SLCO2A1: variants seen among roughly 807,000 people sequenced by gnomAD.
The protein encoded by SLCO2A1 is matrin F/G 1.
A neutral mutation model predicts 71.7 loss-of-function variants in SLCO2A1; 60 were observed. The ratio of observed to expected loss-of-function variants is 0.84; its 90% CI spans 0.68 to 1.04. The LOEUF is 1.04. Ranked by LOEUF, SLCO2A1 falls within the 50% of genes least tolerant of loss-of-function variation. The probability of loss-of-function intolerance (pLI) is 0.00; values close to 1 mark genes in which losing one functional copy is unlikely to be tolerated. For synonymous variants in SLCO2A1, 308 were observed against 326.7 expected (o/e 0.94, Z 0.62); for missense variants, 745 against 813.4 (o/e 0.92, Z 1.02).
chr3:133,953,771 GAAGT>G lies in SLCO2A1; in HGVS notation c.626-14_626-11del, dbSNP rs755988459. 4.4e-6 allele frequency: 7 copies of G among 1,606,966 alleles called. No individual in the cohort carries two copies. The East Asian group carries it at 1.1e-4, about 26-fold the overall frequency. ...ATGGCAAATAAGATGGCTGGAAAAG[GAAGT>G]AAGGGGAAGGAGACTGAGATAAATG... On this transcript the variant is annotated splice_polypyrimidine_tract_variant and intron_variant, in intron 4 of 13. Transcript: ENST00000310926.
intron 1 of SLCO2A1, among the ~76,000 whole-genome samples, chr3:134,001,111 G>A (rs995963454): frequency 5.3e-5 from 8 of 151,588 alleles, no homozygotes; most frequent in Admixed American, 3.3e-4. Flanking sequence ...TCCACACAGA[G>A]TCTTTGGTCT....
intron 12 of SLCO2A1, 134 bp downstream of exon 12, chr3:133,938,295 C>A: frequency 1.2e-6 from 1 of 801,216 alleles, no homozygotes; most frequent in Non-Finnish European, 2.2e-6. Flanking sequence ...TTGGCATCTG[C>A]TGTTGATTAT....
At chr3:134,019,805 T>G (rs1377558969) in intron 1 of SLCO2A1, among the ~76,000 whole-genome samples, 1 of 152,098 alleles carries the variant, frequency 6.6e-6, no homozygotes, top group Non-Finnish European at 1.5e-5. Flanking sequence ...AGTGGATTGG[T>G]TAGTCTGTCC....
rs1054228314 is a variant in SLCO2A1 at position 134,029,668 on chromosome 3, C to T, written c.96+39G>A. The T allele has an allele frequency of 2.7e-6, 4 of 1,508,524 alleles. No homozygotes were observed. In the African/African-American group the frequency reaches 4.2e-5, roughly 16 times the overall value. The allele number at this position is 1,508,524 out of a possible 1,614,324, so 93.4% of individuals were successfully genotyped here. A position where few individuals can be genotyped will look rare whatever the true frequency, so the allele number is the denominator to read the frequency against. ...GGTGCCCAGCCGAAGGTGCGCCAGG[C>T]GCGGCTCCGGCCCGGAAGACCCCGC... On this transcript the variant is annotated intron_variant, in intron 1 of 13. Transcript: ENST00000310926.
At chr3:134,003,186 A>C (rs1935137667) in intron 1 of SLCO2A1, among the ~76,000 whole-genome samples, 1 of 152,198 alleles carries the variant, frequency 6.6e-6, no homozygotes. Context: ...CCTGAATGAA[A>C]TCATCAATAA....
intron 3 of SLCO2A1, among the ~76,000 whole-genome samples, chr3:133,968,174 A>G (rs898203361): frequency 7.0e-6 from 1 of 143,616 alleles, no homozygotes; most frequent in African/African-American, 2.6e-5. Flanking sequence ...CCATCCCCAC[A>G]TGCCCCCCAC....
intron 1 of SLCO2A1, among the ~76,000 whole-genome samples, chr3:134,003,770 A>G (rs1935148497): frequency 1.3e-5 from 2 of 152,130 alleles, no homozygotes; most frequent in Non-Finnish European, 1.5e-5. Context: ...TCAAATACCA[A>G]TCTGGGTGTT....
At chr3:134,005,077 T>C (rs528086620) in intron 1 of SLCO2A1, among the ~76,000 whole-genome samples, 12 of 152,318 alleles carry the variant, frequency 7.9e-5, no homozygotes, top group Non-Finnish European at 1.6e-4. Flanking sequence ...GAGAAAAGTA[T>C]AGAGGGTAGG....
intron 3 of SLCO2A1, among the ~76,000 whole-genome samples, chr3:133,970,562 G>A (rs1934299430): frequency 6.6e-6 from 1 of 152,216 alleles, no homozygotes; most frequent in Non-Finnish European, 1.5e-5. Flanking sequence ...TATTAGCATA[G>A]CACACTCACG....
intron 1 of SLCO2A1, among the ~76,000 whole-genome samples, chr3:134,002,407 T>C (rs1358448364): frequency 1.3e-5 from 2 of 152,230 alleles, no homozygotes; most frequent in African/African-American, 4.8e-5. Context: ...AAGATGCTCC[T>C]GAAGTTCCTC....
chr3:134,011,368 T>G (rs1292119720), intron 1 of SLCO2A1, among the ~76,000 whole-genome samples: 2 of 152,140 alleles, frequency 1.3e-5, no homozygotes, highest in African/African-American at 2.4e-5. Flanking sequence ...AATTTACACA[T>G]GGATTCAGTG....
intron 3 of SLCO2A1, among the ~76,000 whole-genome samples, chr3:133,968,637 T>G (rs942230579): frequency 6.6e-6 from 1 of 152,266 alleles, no homozygotes; most frequent in African/African-American, 2.4e-5. Flanking sequence ...CGGCATCCAT[T>G]GTCTGCATGT....
chr3:133,941,943 C>T (rs2108038536), intron 11 of SLCO2A1, among the ~76,000 whole-genome samples: 1 of 152,326 alleles, frequency 6.6e-6, no homozygotes, highest in African/African-American at 2.4e-5. Context: ...GGCTTCAACA[C>T]ATGGCTCAGC....
At chr3:133,978,076 G>A (rs1390555776) in intron 2 of SLCO2A1, among the ~76,000 whole-genome samples, 2 of 152,182 alleles carry the variant, frequency 1.3e-5, no homozygotes, top group Non-Finnish European at 2.9e-5. Flanking sequence ...GACTGTGCGT[G>A]TATATGTGCA....
intron 3 of SLCO2A1, 32 bp downstream of exon 3, chr3:133,973,631 A>G: frequency 1.2e-6 from 2 of 1,610,350 alleles, no homozygotes; most frequent in Non-Finnish European, 1.7e-6. Context: ...CCCATTCCTT[A>G]CCCCTTGAGG....
chr3:133,996,173 C>A (rs1473109628), intron 1 of SLCO2A1, among the ~76,000 whole-genome samples: 3 of 152,176 alleles, frequency 2.0e-5, no homozygotes, highest in African/African-American at 7.2e-5. Flanking sequence ...AGTGCCCTGG[C>A]AGGATGGGGA....
intron 5 of SLCO2A1, among the ~76,000 whole-genome samples, chr3:133,951,980 C>A (rs548178075): frequency 3.9e-5 from 6 of 152,218 alleles, no homozygotes; most frequent in Non-Finnish European, 7.3e-5. Flanking sequence ...AAAGGAGCAG[C>A]TTTCTCTTGG....
intron 1 of SLCO2A1, among the ~76,000 whole-genome samples, chr3:134,005,550 C>T (rs544600933): frequency 1.3e-5 from 2 of 148,606 alleles, no homozygotes; most frequent in East Asian, 4.0e-4. Context: ...GGCGCAATCT[C>T]GGCTCACTGC....
At chr3:133,980,756 C>A (rs1934570224) in intron 1 of SLCO2A1, among the ~76,000 whole-genome samples, 1 of 152,240 alleles carries the variant, frequency 6.6e-6, no homozygotes, top group Non-Finnish European at 1.5e-5. Context: ...CCTGCCAGGG[C>A]AGAACCTTTG....
Sources: allele counts gnomAD v4.1 joint callset (sites outside exome capture counted in the v4.1 genomes callset), GRCh38; gene constraint gnomAD v4.1.1; transcripts MANE v1.5; gene names NCBI Gene and HGNC (gene_info 2026-07-23, HGNC 2026-07-21).